The following EPHA6 variants were observed in gnomAD, a reference collection of about 807,000 sequenced individuals.
EPHA6 encodes the protein EPH receptor A6, also known as ephrin type-A receptor 6.
A neutral mutation model predicts 112.0 loss-of-function variants in EPHA6; 50 were observed. The ratio of observed to expected loss-of-function variants is 0.45; its 90% CI spans 0.36 to 0.56. The LOEUF (loss-of-function observed/expected upper bound fraction) is 0.56, where lower values mean the gene tolerates loss of function less well. Ranked by LOEUF, EPHA6 falls within the 20% of genes least tolerant of loss-of-function variation. EPHA6 has a pLI of 0.00. For missense variants in EPHA6, 1,280 were observed against 1,417.4 expected (o/e 0.90, Z 1.56); for synonymous variants, 529 against 490.7 (o/e 1.08, Z -1.03).
chr3:96,995,226 C>T (rs2043376866), intron 3 of EPHA6, among the ~76,000 whole-genome samples: 1 of 151,900 alleles, frequency 6.6e-6, no homozygotes, highest in South Asian at 2.1e-4. Flanking sequence ...TCAGAGATGA[C>T]TGTGCAAGCA....
At chr3:96,824,730 ATTG>A (rs1559751099) in intron 1 of EPHA6, among the ~76,000 whole-genome samples, 1 of 152,014 alleles carries the variant, frequency 6.6e-6, no homozygotes, top group Non-Finnish European at 1.5e-5. Flanking sequence ...TCTACAAACT[ATTG>A]TTTACAGAAA....
chr3:97,664,871 A>G (rs865818634), intron 14 of EPHA6, among the ~76,000 whole-genome samples: 1 of 152,238 alleles, frequency 6.6e-6, no homozygotes, highest in Non-Finnish European at 1.5e-5. Flanking sequence ...AAGAATCAAT[A>G]TCGTGAACAT....
intron 5 of EPHA6, among the ~76,000 whole-genome samples, chr3:97,399,419 G>A (rs1259702394): frequency 1.3e-5 from 2 of 151,278 alleles, no homozygotes; most frequent in Non-Finnish European, 3.0e-5. Flanking sequence ...GGGGGGCTTA[G>A]GGTTTTCATT....
Position 97,756,055 on chromosome 3 carries a change from C to A in EPHA6, c.*7354C>A, listed in dbSNP as rs967328963. On this transcript the variant is annotated 3_prime_UTR_variant, in exon 18 of 18. Coordinates refer to ENST00000389672, the MANE Select transcript of EPHA6 (RefSeq NM_001080448.3). Reference sequence around the variant, plus strand: ...TTAAATTTACATTTAAACACATCTTCATTCACTTAGAGAAGCCATAATATA... The same window carrying A: ...TTAAATTTACATTTAAACACATCTTAATTCACTTAGAGAAGCCATAATATA... 5.9e-5 allele frequency among the ~76,000 whole-genome samples: 9 copies of A among 152,116 alleles called. No homozygotes were observed. Among genetic ancestry groups the A allele is most frequent in the African/African-American group, 1.9e-4 (8 of 41,566 alleles).
chr3:97,611,394 A>G (rs574402432), intron 13 of EPHA6, among the ~76,000 whole-genome samples: 1 of 152,004 alleles, frequency 6.6e-6, no homozygotes, highest in South Asian at 2.1e-4. Context: ...TTACAAAAAC[A>G]TTATTTTTAA....
chr3:97,452,439 A>C (rs2090559035), intron 7 of EPHA6, among the ~76,000 whole-genome samples: 1 of 151,788 alleles, frequency 6.6e-6, no homozygotes, highest in African/African-American at 2.4e-5. Context: ...CTTGTATTTT[A>C]ATGTTCGCAT....
At chr3:96,983,341 G>A (rs1244309783) in intron 2 of EPHA6, among the ~76,000 whole-genome samples, 1 of 152,092 alleles carries the variant, frequency 6.6e-6, no homozygotes, top group Non-Finnish European at 1.5e-5. Context: ...TGAAATTCTG[G>A]GTTGTAAATT....
intron 3 of EPHA6, among the ~76,000 whole-genome samples, chr3:97,084,761 A>G (rs1036669693): frequency 6.6e-6 from 1 of 152,134 alleles, no homozygotes; most frequent in Non-Finnish European, 1.5e-5. Flanking sequence ...CGACACAAAC[A>G]AATAGAAAAA....
chr3:97,190,456 A>T (rs918697585), intron 3 of EPHA6, among the ~76,000 whole-genome samples: 7 of 152,044 alleles, frequency 4.6e-5, no homozygotes, highest in African/African-American at 1.7e-4. Context: ...TTACTGTCAT[A>T]ATTTCCCCAG....
chr3:97,579,909 G>C (rs545705963), intron 11 of EPHA6, among the ~76,000 whole-genome samples: 35 of 152,072 alleles, frequency 2.3e-4, no homozygotes, highest in Non-Finnish European at 4.6e-4. Flanking sequence ...TAACACAACA[G>C]TATGTACATA....
chr3:96,973,803 C>T lies in EPHA6; in HGVS notation c.451-13527C>T, dbSNP rs189899540. On this transcript the variant is annotated intron_variant, in intron 2 of 17. Transcript: ENST00000389672. ...TCATGCCACTGGTCTCCAGCCTGGG[C>T]GACAGAGCGAGACTCCATATCAAAA... Among the ~76,000 whole-genome samples, 838 of 138,268 alleles carry T rather than the reference C, an allele frequency of 6.1e-3. 7 individuals are homozygous for T. The highest frequency in any genetic ancestry group is 9.3e-3 in the Non-Finnish European group (609 of 65,638). 90.7% of individuals were successfully genotyped at this position (138,268 alleles called of 152,430 possible). A position where few individuals can be genotyped will look rare whatever the true frequency, so the allele number is the denominator to read the frequency against.
chr3:96,986,433 T>A (rs775677907), intron 2 of EPHA6, among the ~76,000 whole-genome samples: 3 of 152,152 alleles, frequency 2.0e-5, no homozygotes, highest in Non-Finnish European at 4.4e-5. Context: ...TGCCCACTTA[T>A]GCTCTTCCTC....
intron 3 of EPHA6, among the ~76,000 whole-genome samples, chr3:97,047,119 T>A (rs1576386239): frequency 6.6e-6 from 1 of 152,008 alleles, no homozygotes; most frequent in East Asian, 1.9e-4. Context: ...AATGATAGGG[T>A]GTATATGGAT....
chr3:97,252,527 T>C (rs1329865814), intron 5 of EPHA6, among the ~76,000 whole-genome samples: 2 of 151,918 alleles, frequency 1.3e-5, no homozygotes, highest in African/African-American at 4.8e-5. Context: ...CTGGGGAAAA[T>C]GAACAGGCAA....
chr3:97,401,375 A>G (rs1428394705), intron 5 of EPHA6, among the ~76,000 whole-genome samples: 1 of 151,698 alleles, frequency 6.6e-6, no homozygotes, highest in Non-Finnish European at 1.5e-5. Flanking sequence ...GGGTCTGTTC[A>G]TATTTTCTAT....
chr3:97,481,791 A>G (rs1272993278), intron 9 of EPHA6, among the ~76,000 whole-genome samples: 2 of 151,770 alleles, frequency 1.3e-5, no homozygotes, highest in African/African-American at 4.8e-5. Context: ...GATAACATGG[A>G]AAGGCTGTAA....
chr3:96,849,079 T>C (rs989562387), intron 1 of EPHA6, among the ~76,000 whole-genome samples: 2 of 152,144 alleles, frequency 1.3e-5, no homozygotes, highest in African/African-American at 4.8e-5. Context: ...AAAGCTGAAG[T>C]AAATAAGACA....
intron 4 of EPHA6, among the ~76,000 whole-genome samples, chr3:97,236,028 C>A (rs2108565224): frequency 6.6e-6 from 1 of 151,756 alleles, no homozygotes; most frequent in African/African-American, 2.4e-5. Context: ...TATTTCATAT[C>A]CTCTTAACTT....
chr3:97,076,509 T>TA (rs2046531349), intron 3 of EPHA6, among the ~76,000 whole-genome samples: 1 of 152,276 alleles, frequency 6.6e-6, no homozygotes, highest in Admixed American at 6.5e-5. Flanking sequence ...GTTCATAGCA[T>TA]AATAATGCAA....
Sources: allele counts gnomAD v4.1 joint callset (sites outside exome capture counted in the v4.1 genomes callset), GRCh38; gene constraint gnomAD v4.1.1; transcripts MANE v1.5; gene names NCBI Gene and HGNC (gene_info 2026-07-23, HGNC 2026-07-21).